RNF220: variants seen among roughly 807,000 people sequenced by gnomAD.
RNF220 encodes the protein E3 ubiquitin-protein ligase RNF220.
Under a neutral mutation model 67.1 loss-of-function variants are expected in RNF220, and 7 were observed. The observed-to-expected ratio is 0.10, with a 90% CI of 0.06 to 0.20. The LOEUF is 0.20. Among genes scored for constraint, RNF220 ranks in the 10% least tolerant of loss-of-function variants. The probability of loss-of-function intolerance (pLI) is 1.00; values close to 1 mark genes in which losing one functional copy is unlikely to be tolerated. For missense variants in RNF220, 565 were observed against 740.3 expected (o/e 0.76, Z 2.75); for synonymous variants, 270 against 283.2 (o/e 0.95, Z 0.47).
chr1:44,632,066 CGGCCGTGG>C (rs1644152450), intron 5 of RNF220: 1 of 1,129,576 alleles, frequency 8.9e-7, no homozygotes, highest in Non-Finnish European at 1.1e-6. Flanking sequence ...GCCGGCCGGG[CGGCCGTGG>C]GGCCCAGAGC....
chr1:44,464,715 C>T (rs535442013), intron 2 of RNF220, among the ~76,000 whole-genome samples: 1 of 152,160 alleles, frequency 6.6e-6, no homozygotes, highest in Non-Finnish European at 1.5e-5. Context: ...ATCCTCACTC[C>T]CCACTCTTAC....
intron 2 of RNF220, among the ~76,000 whole-genome samples, chr1:44,474,725 A>G (rs143847427): frequency 1.7e-4 from 26 of 152,174 alleles, no homozygotes; most frequent in Middle Eastern, 3.4e-3. Flanking sequence ...AATAAAAACA[A>G]AAACAACAAT....
In RNF220 at chr1:44,600,952, C is replaced by A. The variant is rs1242736285; in HGVS notation, c.626-13213C>A. ...GCTTGTGTCTCTAGGTTTCTCTGAA[C>A]AAGGCAAATATCTATATTACAGGCT... is the stretch of plus-strand genomic sequence containing the variant. On this transcript the variant is annotated intron_variant, in intron 2 of 14. Transcript: ENST00000361799. This position sits in a 1 kb window ranked among gnomAD's most constrained non-coding sequence, Gnocchi z 4.0. Among the ~76,000 whole-genome samples the A allele has an allele frequency of 6.6e-6, 1 of 152,114 alleles. No individual in the cohort carries two copies. The highest frequency in any genetic ancestry group is 1.5e-5 in the Non-Finnish European group (1 of 68,026).
chr1:44,555,461 C>A (rs745414862), intron 2 of RNF220, among the ~76,000 whole-genome samples: 4 of 151,792 alleles, frequency 2.6e-5, no homozygotes, highest in Admixed American at 1.3e-4. Flanking sequence ...CTGAACGTAC[C>A]AATTTATGTA....
chr1:44,444,242 A>T (rs1164391918), intron 2 of RNF220, among the ~76,000 whole-genome samples: 1 of 152,190 alleles, frequency 6.6e-6, no homozygotes, highest in Non-Finnish European at 1.5e-5. Flanking sequence ...AAATAATTTT[A>T]TCACACATGT....
chr1:44,520,315 A>C (rs994196536), intron 2 of RNF220, among the ~76,000 whole-genome samples: 14 of 151,966 alleles, frequency 9.2e-5, no homozygotes, highest in Admixed American at 8.5e-4. Context: ...TACAAAAAAA[A>C]ATTAGCTGGG....
intron 2 of RNF220, among the ~76,000 whole-genome samples, chr1:44,524,383 T>C (rs1572766299): frequency 6.6e-6 from 1 of 152,070 alleles, no homozygotes; most frequent in African/African-American, 2.4e-5. Context: ...AAGCAGGCTG[T>C]TGGGGGCAGA....
intron 2 of RNF220, among the ~76,000 whole-genome samples, chr1:44,523,085 G>A (rs1481306012): frequency 6.6e-6 from 1 of 152,346 alleles, no homozygotes; most frequent in South Asian, 2.1e-4. Flanking sequence ...GGTCTAGAAA[G>A]CATCTGTAAG....
intron 2 of RNF220, among the ~76,000 whole-genome samples, chr1:44,559,607 G>A (rs771588560): frequency 2.6e-5 from 4 of 152,216 alleles, no homozygotes; most frequent in Non-Finnish European, 4.4e-5. Flanking sequence ...GTCTAGCCCC[G>A]GGAGGAAGGG....
At chr1:44,420,440 T>C (rs560111789) in intron 2 of RNF220, among the ~76,000 whole-genome samples, 1 of 152,334 alleles carries the variant, frequency 6.6e-6, no homozygotes, top group East Asian at 1.9e-4. Context: ...GGAGAGACCT[T>C]CGCTTTATTT....
intron 2 of RNF220, among the ~76,000 whole-genome samples, chr1:44,551,806 C>G (rs1183356732): frequency 6.6e-6 from 1 of 152,202 alleles, no homozygotes; most frequent in Non-Finnish European, 1.5e-5. Flanking sequence ...CACTTCTTCA[C>G]TCAGAATCCT....
chr1:44,470,737 C>G (rs1654730926), intron 2 of RNF220, among the ~76,000 whole-genome samples: 1 of 152,208 alleles, frequency 6.6e-6, no homozygotes, highest in African/African-American at 2.4e-5. Flanking sequence ...ACTTCTTGCT[C>G]TCTAGCTGGA....
intron 2 of RNF220, among the ~76,000 whole-genome samples, chr1:44,604,609 C>G (rs1667146320): frequency 6.6e-6 from 1 of 152,220 alleles, no homozygotes; most frequent in African/African-American, 2.4e-5. Context: ...TGTGCCTTGG[C>G]CTGGAGCCTT....
intron 2 of RNF220, among the ~76,000 whole-genome samples, chr1:44,466,295 T>A (rs1259227742): frequency 1.3e-5 from 2 of 152,240 alleles, no homozygotes; most frequent in Non-Finnish European, 2.9e-5. Context: ...AGGCTCCACT[T>A]ATTGTAATTC....
At chr1:44,596,697 G>A (rs1426447105) in intron 2 of RNF220, among the ~76,000 whole-genome samples, 1 of 152,214 alleles carries the variant, frequency 6.6e-6, no homozygotes, top group Admixed American at 6.5e-5. Flanking sequence ...GCAAGGCTCA[G>A]CTGACCCATC....
At position 44,615,238 on chromosome 1, in the gene RNF220, A is replaced by G. The variant is rs1030350699; in HGVS notation, c.758+941A>G. Reference sequence around the variant, plus strand: ...AAAAGCAAATGTTCCAGCCAACGAGATGGAAGCTGGATCACCTTTTATAAC... The same window carrying G: ...AAAAGCAAATGTTCCAGCCAACGAGGTGGAAGCTGGATCACCTTTTATAAC... On this transcript the variant is annotated intron_variant, in intron 3 of 14. Transcript: ENST00000361799. Among the ~76,000 whole-genome samples, 11 of 152,286 alleles carry G rather than the reference A, an allele frequency of 7.2e-5. No individual in the cohort carries two copies. The East Asian group carries it at 1.4e-3, about 19-fold the overall frequency.
In RNF220 at chr1:44,423,297, C is replaced by G. The variant is rs79025905; in HGVS notation, c.625+10575C>G. ...TAGTATCTGAGAGTGGAAGAAAGAA[C>G]TCCAGAATTGCCAAGGATTGCTCAC... On this transcript the variant is annotated intron_variant, in intron 2 of 14. Transcript: ENST00000361799. Among the ~76,000 whole-genome samples, 928 of 152,286 alleles carry G rather than the reference C, an allele frequency of 6.1e-3. 11 individuals are homozygous for G. Among genetic ancestry groups the G allele is most frequent in the African/African-American group, 0.02 (844 of 41,544 alleles).
intron 5 of RNF220, among the ~76,000 whole-genome samples, chr1:44,628,435 A>G (rs1644021161): frequency 1.3e-5 from 2 of 152,252 alleles, no homozygotes; most frequent in South Asian, 2.1e-4. Context: ...ATACAACTTC[A>G]GGAGGTTAGG....
intron 2 of RNF220, among the ~76,000 whole-genome samples, chr1:44,559,279 G>A (rs114810121): frequency 0.01 from 1,559 of 152,286 alleles, 23 homozygotes; most frequent in African/African-American, 0.036. Context: ...ACACTGCCAC[G>A]CTGTTCTGTG....
Sources: allele counts gnomAD v4.1 joint callset (sites outside exome capture counted in the v4.1 genomes callset), GRCh38; gene constraint gnomAD v4.1.1; non-coding constraint Gnocchi (gnomAD v3.1); transcripts MANE v1.5; gene names NCBI Gene and HGNC (gene_info 2026-07-23, HGNC 2026-07-21).